The following SLC35F1 variants were observed in gnomAD, a reference collection of about 807,000 sequenced individuals.
SLC35F1 encodes chromosome 6 open reading frame 169.
In SLC35F1, 14 loss-of-function variants were observed where a neutral mutation model predicts 48.7. That is an observed-to-expected ratio of 0.29 (90% CI 0.19 to 0.45). The LOEUF is 0.45. Ranked by LOEUF, SLC35F1 falls within the 20% of genes least tolerant of loss-of-function variation. The probability of loss-of-function intolerance (pLI) is 1.00; values close to 1 mark genes in which losing one functional copy is unlikely to be tolerated. For missense variants in SLC35F1, 404 were observed against 500.0 expected, an observed-to-expected ratio of 0.81 and a Z score of 1.83; for synonymous variants, 190 against 202.2, an observed-to-expected ratio of 0.94 and a Z score of 0.51.
At chr6:118,227,504 A>G (rs1432864639) in intron 2 of SLC35F1, among the ~76,000 whole-genome samples, 1 of 152,222 alleles carries the variant, frequency 6.6e-6, no homozygotes, top group Non-Finnish European at 1.5e-5. Flanking sequence ...GTCTGCAATG[A>G]TATCTGTGCA....
At chr6:118,217,626 C>A (rs140170585) in intron 2 of SLC35F1, among the ~76,000 whole-genome samples, 11 of 152,002 alleles carry the variant, frequency 7.2e-5, no homozygotes, top group Non-Finnish European at 1.5e-4. Context: ...GTAAATGTTA[C>A]GCTGTGTATA....
chr6:117,974,252 A>G (rs995938334), intron 1 of SLC35F1, among the ~76,000 whole-genome samples: 1 of 152,220 alleles, frequency 6.6e-6, no homozygotes, highest in African/African-American at 2.4e-5. Context: ...AGGTCTTACT[A>G]TTTAGGAGCA....
At chr6:118,008,890 A>G (rs1777208434) in intron 1 of SLC35F1, among the ~76,000 whole-genome samples, 1 of 152,154 alleles carries the variant, frequency 6.6e-6, no homozygotes, top group South Asian at 2.1e-4. Flanking sequence ...TCTTCTGCTC[A>G]TGTTTTCATT....
chr6:118,248,438 A>G (rs1775534290), intron 3 of SLC35F1, among the ~76,000 whole-genome samples: 1 of 152,244 alleles, frequency 6.6e-6, no homozygotes. Context: ...GGTGACCTCA[A>G]TGTAATCATA....
chr6:117,912,107 G>T (rs953681405), intron 1 of SLC35F1, among the ~76,000 whole-genome samples: 6 of 152,176 alleles, frequency 3.9e-5, no homozygotes, highest in African/African-American at 1.4e-4. Flanking sequence ...CATACAGTGG[G>T]TTGTCTCAAA....
chr6:118,036,634 T>G (rs1437787566), intron 1 of SLC35F1, among the ~76,000 whole-genome samples: 1 of 152,162 alleles, frequency 6.6e-6, no homozygotes, highest in Admixed American at 6.5e-5. Flanking sequence ...CATGGCTCAC[T>G]GCAGCCTCCA....
chr6:117,959,976 A>G (rs576065521), intron 1 of SLC35F1, among the ~76,000 whole-genome samples: 43 of 152,168 alleles, frequency 2.8e-4, no homozygotes, highest in African/African-American at 9.1e-4. Context: ...GCAGCATTCA[A>G]ATCCAGGAAT....
At chr6:118,015,862 A>G (rs1427435321) in intron 1 of SLC35F1, among the ~76,000 whole-genome samples, 3 of 152,206 alleles carry the variant, frequency 2.0e-5, no homozygotes, top group Non-Finnish European at 4.4e-5. Context: ...GACAAGGACT[A>G]TAGTGGTAAA....
At chr6:118,107,739 G>A (rs1384171973) in intron 1 of SLC35F1, among the ~76,000 whole-genome samples, 1 of 152,050 alleles carries the variant, frequency 6.6e-6, no homozygotes, top group African/African-American at 2.4e-5. Context: ...GTATGTGTGT[G>A]TGTCTGTGTG....
rs1016097756 is a variant in SLC35F1, at chr6:118,230,769, A to G, written c.350-4740A>G. Among the ~76,000 whole-genome samples the G allele has an allele frequency of 3.9e-5, 6 of 152,272 alleles. No individual in the cohort carries two copies. The East Asian group carries it at 1.2e-3, about 29-fold the overall frequency. On this transcript the variant is annotated intron_variant, in intron 2 of 7. Transcript: ENST00000360388. ...AAGGCCAAGGCGGGTGGATTCTTTGAGCCCAGGAGTTCAAGACCACCTGGG... is the reference window on the plus strand; with the variant it reads ...AAGGCCAAGGCGGGTGGATTCTTTGGGCCCAGGAGTTCAAGACCACCTGGG...
intron 7 of SLC35F1, among the ~76,000 whole-genome samples, chr6:118,305,565 A>G (rs1013451453): frequency 2.0e-5 from 3 of 152,178 alleles, no homozygotes; most frequent in Non-Finnish European, 2.9e-5. Flanking sequence ...TGATATGACT[A>G]TCCTGCATAC....
At chr6:118,070,142 C>CAAA (rs61496169) in intron 1 of SLC35F1, among the ~76,000 whole-genome samples, 30,461 of 78,146 alleles carry the variant, frequency 0.39, 7,464 homozygotes, top group African/African-American at 0.41. Flanking sequence ...GACTCCGTCT[C>CAAA]AAAAAAAAAA....
In SLC35F1 at chr6:118,177,164, T is replaced by C. The variant is rs139972731; in HGVS notation, c.349+22544T>C. ...CCCATCTTTAAGGACTGCTGCATGC[T>C]TTTTAAAGCTTTCTTGATAGGTCCT... On this transcript the variant is annotated intron_variant, in intron 2 of 7. Coordinates refer to ENST00000360388, the MANE Select transcript of SLC35F1 (RefSeq NM_001029858.4). Among the ~76,000 whole-genome samples the C allele has an allele frequency of 9.5e-3, 1,446 of 152,266 alleles. 24 individuals carry two copies. Among genetic ancestry groups the C allele is most frequent in the Middle Eastern group, 0.027 (8 of 294 alleles).
chr6:117,949,034 G>A (rs562035651), intron 1 of SLC35F1, among the ~76,000 whole-genome samples: 7 of 152,196 alleles, frequency 4.6e-5, no homozygotes, highest in Admixed American at 6.6e-5. Flanking sequence ...TGCCCCAAGC[G>A]GGGTGCTATT....
rs1367364156 is a variant in SLC35F1 at position 117,995,879 on chromosome 6, G to A, written c.173+87980G>A. 2.0e-5 allele frequency among the ~76,000 whole-genome samples: 3 copies of A among 152,294 alleles called. 1 individual carries two copies. Among genetic ancestry groups the A allele is most frequent in the Admixed American group, 2.0e-4 (3 of 15,304 alleles). ...TTATATGGTATCGTAAATCATCATAGTATTCTTTATTTGAAAGTGAGAAAA... is the reference window on the plus strand; with the variant it reads ...TTATATGGTATCGTAAATCATCATAATATTCTTTATTTGAAAGTGAGAAAA... On this transcript the variant is annotated intron_variant, in intron 1 of 7. Transcript: ENST00000360388.
intron 7 of SLC35F1, among the ~76,000 whole-genome samples, chr6:118,297,653 A>AATAT (rs1554245938): frequency 8.3e-6 from 1 of 120,610 alleles, no homozygotes; most frequent in Admixed American, 8.1e-5. Flanking sequence ...ATATATATAT[A>AATAT]ATATATATAA....
chr6:118,017,741 A>G (rs368754305), intron 1 of SLC35F1, among the ~76,000 whole-genome samples: 1 of 152,322 alleles, frequency 6.6e-6, no homozygotes, highest in East Asian at 1.9e-4. Context: ...TTTGTTTTCT[A>G]AGATCATTAT....
intron 2 of SLC35F1, among the ~76,000 whole-genome samples, chr6:118,203,568 A>T (rs1324404851): frequency 2.0e-5 from 3 of 152,240 alleles, no homozygotes; most frequent in Non-Finnish European, 2.9e-5. Flanking sequence ...GTGGAAAAGC[A>T]TCTGAGGTCA....
At chr6:118,073,447 C>A (rs1772771214) in intron 1 of SLC35F1, among the ~76,000 whole-genome samples, 1 of 152,092 alleles carries the variant, frequency 6.6e-6, no homozygotes, top group South Asian at 2.1e-4. Context: ...ATAATACTTG[C>A]AAATAGTTTA....
Sources: allele counts gnomAD v4.1 joint callset (sites outside exome capture counted in the v4.1 genomes callset), GRCh38; gene constraint gnomAD v4.1.1; transcripts MANE v1.5; gene names NCBI Gene and HGNC (gene_info 2026-07-23, HGNC 2026-07-21).